Variants in KLF7 observed in about 807,000 individuals in gnomAD.
KLF7 encodes the protein KLF transcription factor 7.
In KLF7, 2 loss-of-function variants were observed where a neutral mutation model predicts 27.3. The ratio of observed to expected loss-of-function variants is 0.07; its 90% CI spans 0.03 to 0.23. The LOEUF (loss-of-function observed/expected upper bound fraction) is 0.23, where lower values mean the gene tolerates loss of function less well. Among genes scored for constraint, KLF7 ranks in the 10% least tolerant of loss-of-function variants. The pLI, the probability that KLF7 is intolerant of heterozygous loss-of-function variation, is 1.00. For missense variants in KLF7, 221 were observed against 394.1 expected (o/e 0.56, Z 3.72); for synonymous variants, 165 against 162.4 (o/e 1.02, Z -0.12).
intron 3 of KLF7, among the ~76,000 whole-genome samples, chr2:207,082,239 G>C (rs1361390264): frequency 6.6e-6 from 1 of 152,196 alleles, no homozygotes; most frequent in African/African-American, 2.4e-5. Flanking sequence ...CATGTGACCT[G>C]TAAAGGCCAA....
chr2:207,109,260 G>A (rs1313425922), intron 2 of KLF7, among the ~76,000 whole-genome samples: 1 of 152,144 alleles, frequency 6.6e-6, no homozygotes, highest in Non-Finnish European at 1.5e-5. Context: ...GAATATACAA[G>A]ATAATCACTC....
intron 2 of KLF7, among the ~76,000 whole-genome samples, chr2:207,111,265 T>TC (rs1286217860): frequency 6.6e-6 from 1 of 152,158 alleles, no homozygotes; most frequent in Non-Finnish European, 1.5e-5. Flanking sequence ...ACTCTCCCAT[T>TC]CCTGCTATGC....
At chr2:207,139,819 C>T (rs1196094758) in intron 1 of KLF7, among the ~76,000 whole-genome samples, 1 of 152,164 alleles carries the variant, frequency 6.6e-6, no homozygotes, top group Non-Finnish European at 1.5e-5. Flanking sequence ...ACATTTCAAC[C>T]TGTCAACATC....
upstream of KLF7, chr2:207,166,750 C>T: frequency 1.0e-6 from 1 of 977,424 alleles, no homozygotes; most frequent in Non-Finnish European, 1.2e-6. Context: ...GGGAGGTCCT[C>T]ACGTACTCAA....
chr2:207,139,087 G>C (rs76653592), intron 1 of KLF7, among the ~76,000 whole-genome samples: 1,601 of 152,268 alleles, frequency 0.011, 24 homozygotes, highest in African/African-American at 0.036. Context: ...CACGCCCTGA[G>C]CTTTCAGCCC....
rs1161743641 is a variant in KLF7, at chr2:207,076,227, A to G, written c.*4986T>C. On this transcript the variant is annotated 3_prime_UTR_variant, in exon 4 of 4. Coordinates refer to ENST00000309446, the MANE Select transcript of KLF7 (RefSeq NM_003709.4). ...GGCAGTAGACAGAAGCTGGACTCAC[A>G]GCAAGTTACGATTCCAAAGCTCACA... 1 of 152,194 alleles carries G rather than the reference A, an allele frequency of 6.6e-6. No homozygotes were observed. The highest frequency in any genetic ancestry group is 2.4e-5 in the African/African-American group (1 of 41,440). The allele number at this position is 152,194 out of a possible 1,614,324, so 9.4% of individuals were successfully genotyped here. A position where few individuals can be genotyped will look rare whatever the true frequency, so the allele number is the denominator to read the frequency against.
In KLF7 at chr2:207,081,087, A is replaced by G; in HGVS notation, c.*126T>C. ...TGTGTGTGTGTGTGTGTGTGTGTAC[A>G]GAGGTTTATAAGTGAGAACTTTCTT... On this transcript the variant is annotated 3_prime_UTR_variant, in exon 4 of 4. Transcript: ENST00000309446. 1.4e-6 allele frequency: 1 copy of G among 734,102 alleles called. No individual in the cohort carries two copies. The highest frequency in any genetic ancestry group is 2.5e-6 in the Non-Finnish European group (1 of 407,708). The allele number at this position is 734,102 out of a possible 1,614,324, so 45.5% of individuals were successfully genotyped here. A position where few individuals can be genotyped will look rare whatever the true frequency, so the allele number is the denominator to read the frequency against.
chr2:207,156,553 T>C (rs2078389114), intron 1 of KLF7, among the ~76,000 whole-genome samples: 1 of 152,242 alleles, frequency 6.6e-6, no homozygotes, highest in South Asian at 2.1e-4. Context: ...AAGGGCCTAC[T>C]GAGAATGAAT....
chr2:207,131,723 T>G (rs1263671), intron 1 of KLF7, among the ~76,000 whole-genome samples: 1 of 152,052 alleles, frequency 6.6e-6, no homozygotes, highest in African/African-American at 2.4e-5. Context: ...TCTGACACAT[T>G]CCTAGGCTTT....
At position 207,077,821 on chromosome 2, in the gene KLF7, A is replaced by T. The variant is rs1265215035; in HGVS notation, c.*3392T>A. On this transcript the variant is annotated 3_prime_UTR_variant, in exon 4 of 4. Transcript: ENST00000309446. ...AAAAAAAATTGTCAGTGGCTTAGAA[A>T]CTCTTTTTCTACATGAACAAATCTG... 2.0e-5 allele frequency: 3 copies of T among 151,698 alleles called. No homozygotes were observed. The highest frequency in any genetic ancestry group is 4.4e-5 in the Non-Finnish European group (3 of 67,954). The allele number at this position is 151,698 out of a possible 1,614,324, so 9.4% of individuals were successfully genotyped here.
intron 2 of KLF7, among the ~76,000 whole-genome samples, chr2:207,105,118 CAAA>C (rs1012748658): frequency 4.7e-4 from 71 of 152,050 alleles, no homozygotes; most frequent in Non-Finnish European, 9.1e-4. Flanking sequence ...GTCACCTTCT[CAAA>C]AAAATCGGTG....
At chr2:207,170,463 AATC>A (rs1268148345), upstream of KLF7, among the ~76,000 whole-genome samples, 3 of 152,176 alleles carry the variant, frequency 2.0e-5, no homozygotes, top group African/African-American at 7.2e-5. Flanking sequence ...ACTGAGCTAA[AATC>A]ATTGATAAGG....
intron 1 of KLF7, among the ~76,000 whole-genome samples, chr2:207,155,269 G>A (rs923250201): frequency 6.6e-6 from 1 of 152,214 alleles, no homozygotes; most frequent in African/African-American, 2.4e-5. Flanking sequence ...ATACATATGA[G>A]ACAGTACTAT....
At chr2:207,151,394 G>C (rs565030085) in intron 1 of KLF7, among the ~76,000 whole-genome samples, 1 of 152,176 alleles carries the variant, frequency 6.6e-6, no homozygotes, top group Admixed American at 6.5e-5. Flanking sequence ...AAATTGAGGA[G>C]GGCAGGGGGG....
intron 2 of KLF7, among the ~76,000 whole-genome samples, chr2:207,104,368 G>C (rs1048119111): frequency 6.6e-6 from 1 of 152,056 alleles, no homozygotes; most frequent in African/African-American, 2.4e-5. Context: ...AATGTTATAC[G>C]TAAACAAACT....
At chr2:207,160,584 T>C (rs964337242) in intron 1 of KLF7, among the ~76,000 whole-genome samples, 10 of 122,874 alleles carry the variant, frequency 8.1e-5, no homozygotes, top group Admixed American at 6.6e-4. Flanking sequence ...CCAGAGGAAA[T>C]TGTATTCTTC....
At chr2:207,119,409 T>C (rs1308764270) in intron 2 of KLF7, among the ~76,000 whole-genome samples, 4 of 94,330 alleles carry the variant, frequency 4.2e-5, no homozygotes, top group Admixed American at 2.6e-4. Flanking sequence ...TTTTTTTACA[T>C]AGAAACTATT....
At chr2:207,120,369 A>C (rs1424804074) in intron 2 of KLF7, among the ~76,000 whole-genome samples, 1 of 152,188 alleles carries the variant, frequency 6.6e-6, no homozygotes, top group African/African-American at 2.4e-5. Context: ...CATGTTACCA[A>C]CATGTATTGT....
intron 3 of KLF7, among the ~76,000 whole-genome samples, chr2:207,083,860 G>A (rs896591617): frequency 6.6e-6 from 1 of 152,124 alleles, no homozygotes; most frequent in Non-Finnish European, 1.5e-5. Context: ...CTTTAATGAT[G>A]GAGGAATAGC....
Sources: allele counts gnomAD v4.1 joint callset (sites outside exome capture counted in the v4.1 genomes callset), GRCh38; gene constraint gnomAD v4.1.1; transcripts MANE v1.5; gene names NCBI Gene and HGNC (gene_info 2026-07-23, HGNC 2026-07-21).